The following CLSTN2 variants were observed in gnomAD, a reference collection of about 807,000 sequenced individuals.
CLSTN2 encodes the protein calsyntenin 2, also known as calsyntenin-2.
CLSTN2 carries 48 observed loss-of-function variants against 101.2 expected under a neutral mutation model. The observed-to-expected ratio is 0.47, with a 90% CI of 0.38 to 0.60. The LOEUF is 0.60. CLSTN2 is among the 20% of genes least tolerant of loss of function. The pLI is 0.00. For synonymous variants in CLSTN2, 481 were observed against 463.6 expected, an observed-to-expected ratio of 1.04 and a Z score of -0.48; for missense variants, 1,160 against 1,238.2, an observed-to-expected ratio of 0.94 and a Z score of 0.95.
rs141608642 is a variant in CLSTN2, at chr3:140,126,339, G to C, written c.110-49612G>C. On this transcript the variant is annotated intron_variant, in intron 1 of 16. Transcript: ENST00000458420. The stretch of plus-strand genomic sequence containing the variant: ...GTATGCTTCAAAAGAGCTGGAGTTT[G>C]AGGATGAAAAAGACATGAAAAGGTG... Among the ~76,000 whole-genome samples the C allele has an allele frequency of 2.5e-3, 376 of 152,178 alleles. 2 individuals carry two copies. Among genetic ancestry groups the C allele is most frequent in the African/African-American group, 8.6e-3 (358 of 41,504 alleles).
chr3:140,448,769 A>G (rs564612941), intron 6 of CLSTN2, 65 bp downstream of exon 6: 10 of 1,381,482 alleles, frequency 7.2e-6, no homozygotes, highest in African/African-American at 4.3e-5. Context: ...CCAAAAAAGC[A>G]TATCTTATTG....
chr3:140,086,863 G>T (rs1020292124), intron 1 of CLSTN2, among the ~76,000 whole-genome samples: 1 of 152,184 alleles, frequency 6.6e-6, no homozygotes, highest in Non-Finnish European at 1.5e-5. Flanking sequence ...ACTAGTCATT[G>T]TGTATCACAT....
chr3:140,121,500 T>C (rs1410271060), intron 1 of CLSTN2, among the ~76,000 whole-genome samples: 1 of 152,072 alleles, frequency 6.6e-6, no homozygotes, highest in Non-Finnish European at 1.5e-5. Context: ...GGACTCAACA[T>C]ATAGTAAGCT....
At chr3:140,390,496 T>A (rs762144680) in intron 2 of CLSTN2, among the ~76,000 whole-genome samples, 4 of 152,242 alleles carry the variant, frequency 2.6e-5, no homozygotes, top group Non-Finnish European at 5.9e-5. Context: ...TTTAAATTGA[T>A]TGAGACTTGT....
intron 9 of CLSTN2, among the ~76,000 whole-genome samples, chr3:140,542,939 A>G (rs1935514307): frequency 6.6e-6 from 1 of 152,234 alleles, no homozygotes; most frequent in East Asian, 1.9e-4. Context: ...GGATGGATGT[A>G]CTCACACTAT....
intron 1 of CLSTN2, among the ~76,000 whole-genome samples, chr3:139,955,136 A>ATATATATATG (rs2107812014): frequency 7.2e-6 from 1 of 138,660 alleles, no homozygotes; most frequent in South Asian, 2.4e-4. Flanking sequence ...ATATATATAT[A>ATATATATATG]TATGGCAATT....
chr3:140,050,239 C>T (rs1001097504), intron 1 of CLSTN2, among the ~76,000 whole-genome samples: 12 of 152,290 alleles, frequency 7.9e-5, no homozygotes, highest in Middle Eastern at 3.4e-3. Context: ...CAGGGGTCAA[C>T]GCCATCTCTC....
At chr3:140,131,305 A>AG (rs1553801136) in intron 1 of CLSTN2, among the ~76,000 whole-genome samples, 1 of 150,634 alleles carries the variant, frequency 6.6e-6, no homozygotes, top group Non-Finnish European at 1.5e-5. Context: ...TTTCTTTATG[A>AG]TTTTTTTTTA....
intron 2 of CLSTN2, among the ~76,000 whole-genome samples, chr3:140,335,362 A>G (rs748146109): frequency 6.6e-6 from 1 of 151,838 alleles, no homozygotes; most frequent in African/African-American, 2.4e-5. Context: ...ACCACCTTCT[A>G]TTCTTAAAAA....
At chr3:140,325,616 T>C (rs1214786166) in intron 2 of CLSTN2, among the ~76,000 whole-genome samples, 1 of 152,216 alleles carries the variant, frequency 6.6e-6, no homozygotes, top group African/African-American at 2.4e-5. Context: ...CTCCTAAATA[T>C]TTGCCCTGGT....
intron 2 of CLSTN2, among the ~76,000 whole-genome samples, chr3:140,291,857 C>T (rs2086957394): frequency 6.6e-6 from 1 of 151,952 alleles, no homozygotes; most frequent in Non-Finnish European, 1.5e-5. Flanking sequence ...CCATTAACAC[C>T]ACAGTACAAG....
chr3:139,938,878 A>G (rs1180482851), intron 1 of CLSTN2, among the ~76,000 whole-genome samples: 4 of 152,170 alleles, frequency 2.6e-5, no homozygotes, highest in African/African-American at 4.8e-5. Flanking sequence ...AGCCTTGCTC[A>G]GTGCTCTGGT....
chr3:140,403,155 A>C (rs1241111249), intron 2 of CLSTN2, among the ~76,000 whole-genome samples: 1 of 152,218 alleles, frequency 6.6e-6, no homozygotes, highest in Admixed American at 6.5e-5. Context: ...TCAGCTCTTT[A>C]AGATGTTAGC....
At chr3:140,194,355 C>T (rs2010614124) in intron 2 of CLSTN2, among the ~76,000 whole-genome samples, 1 of 152,036 alleles carries the variant, frequency 6.6e-6, no homozygotes, top group South Asian at 2.1e-4. Flanking sequence ...TTCATAAGGG[C>T]TCTTACCTCA....
At chr3:140,427,780 G>A (rs997235967) in intron 5 of CLSTN2, among the ~76,000 whole-genome samples, 1 of 152,068 alleles carries the variant, frequency 6.6e-6, no homozygotes, top group Non-Finnish European at 1.5e-5. Context: ...AGGTTTTTGG[G>A]GAATGGGTGG....
At chr3:140,432,955 C>G (rs529417556) in intron 5 of CLSTN2, among the ~76,000 whole-genome samples, 2 of 152,318 alleles carry the variant, frequency 1.3e-5, no homozygotes, top group African/African-American at 4.8e-5. Flanking sequence ...ACCCTGAAAA[C>G]TGTTATTTTC....
rs141176953 is a variant in CLSTN2, at chr3:140,404,639, G to A, written c.510G>A (p.Thr170=). Residue 170 remains threonine (T), a synonymous_variant, in exon 4 of 17, where the codon ACG becomes ACA. Coordinates refer to ENST00000458420, the MANE Select transcript of CLSTN2 (RefSeq NM_022131.3). ...FKEPAYKAVV[T]EGKIYDSILQ... is the part of the protein sequence containing the mutation. ...AGCCAGCCTACAAGGCTGTTGTGAC[G>A]GAGGGCAAGATCTATGACAGCATTC... 78 of 1,614,102 alleles carry A rather than the reference G, an allele frequency of 4.8e-5. No homozygotes were observed. The highest frequency in any genetic ancestry group is 1.7e-4 in the African/African-American group (13 of 74,942).
intron 8 of CLSTN2, among the ~76,000 whole-genome samples, chr3:140,512,855 A>G (rs547987790): frequency 6.6e-5 from 10 of 152,096 alleles, no homozygotes; most frequent in African/African-American, 2.4e-4. Context: ...ATTCCCAGGT[A>G]TTTTATTCTT....
intron 2 of CLSTN2, among the ~76,000 whole-genome samples, chr3:140,324,977 T>C (rs571516062): frequency 3.3e-5 from 5 of 152,370 alleles, no homozygotes; most frequent in African/African-American, 9.6e-5. Flanking sequence ...AGTTAATATC[T>C]ATGACAAATT....
Sources: gnomAD v4.1 joint callset for allele counts (sites outside exome capture counted in the v4.1 genomes callset) on GRCh38, gnomAD v4.1.1 for gene constraint, MANE v1.5 for transcripts, NCBI Gene and HGNC (gene_info 2026-07-23, HGNC 2026-07-21) for gene names.